SGCZ: variants seen among roughly 807,000 people sequenced by gnomAD.
SGCZ encodes zeta-sarcoglycan.
In SGCZ, 40 loss-of-function variants were observed where a neutral mutation model predicts 41.3. The ratio of observed to expected loss-of-function variants is 0.97; its 90% CI spans 0.75 to 1.26. The LOEUF (loss-of-function observed/expected upper bound fraction) is 1.26. Ranked by LOEUF, SGCZ falls within the 50% of genes most tolerant of loss-of-function variation. The pLI is 0.00. For synonymous variants in SGCZ, 206 were observed against 137.5 expected, an observed-to-expected ratio of 1.50 and a Z score of -3.49; for missense variants, 552 against 369.8, an observed-to-expected ratio of 1.49 and a Z score of -4.04.
intron 4 of SGCZ, among the ~76,000 whole-genome samples, chr8:14,184,646 G>T (rs1489247792): frequency 6.6e-6 from 1 of 152,144 alleles, no homozygotes; most frequent in Non-Finnish European, 1.5e-5. Flanking sequence ...CAAGCTATGG[G>T]TCCTCAAAAG....
chr8:14,473,380 A>AATATT (rs1192766332), intron 2 of SGCZ, among the ~76,000 whole-genome samples: 1 of 152,198 alleles, frequency 6.6e-6, no homozygotes, highest in Non-Finnish European at 1.5e-5. Context: ...TAATTTTGTT[A>AATATT]TCACATTATA....
At chr8:14,555,834 A>T (rs895571958) in intron 1 of SGCZ, among the ~76,000 whole-genome samples, 12 of 152,092 alleles carry the variant, frequency 7.9e-5, no homozygotes, top group African/African-American at 4.8e-5. Flanking sequence ...GTGCAGATTT[A>T]TGTAGACAAT....
chr8:14,269,595 G>C (rs531392914), intron 3 of SGCZ, among the ~76,000 whole-genome samples: 1 of 152,262 alleles, frequency 6.6e-6, no homozygotes, highest in East Asian at 1.9e-4. Flanking sequence ...AGTGATTTAT[G>C]TGACCCAGAT....
chr8:14,441,470 G>C (rs1469188587), intron 2 of SGCZ, among the ~76,000 whole-genome samples: 3 of 152,172 alleles, frequency 2.0e-5, no homozygotes, highest in Non-Finnish European at 4.4e-5. Flanking sequence ...AACTACTCAG[G>C]AGGCTAAGGC....
intron 1 of SGCZ, among the ~76,000 whole-genome samples, chr8:15,012,718 A>T (rs1802884720): frequency 6.9e-6 from 1 of 144,830 alleles, no homozygotes; most frequent in Admixed American, 7.1e-5. Flanking sequence ...AATGTTATAA[A>T]GAGAAATATA....
chr8:14,927,231 C>G (rs1435745819), intron 1 of SGCZ, among the ~76,000 whole-genome samples: 2 of 151,544 alleles, frequency 1.3e-5, no homozygotes, highest in African/African-American at 4.9e-5. Flanking sequence ...GCCTCACCCT[C>G]CGGAGCAGCT....
chr8:14,379,961 G>A (rs146703128), intron 2 of SGCZ, among the ~76,000 whole-genome samples: 12 of 152,062 alleles, frequency 7.9e-5, no homozygotes, highest in Non-Finnish European at 1.0e-4. Context: ...TTGAACTCCC[G>A]ACCTCAGGTG....
chr8:14,624,653 C>T (rs530712942), intron 1 of SGCZ, among the ~76,000 whole-genome samples: 1 of 145,644 alleles, frequency 6.9e-6, no homozygotes, highest in South Asian at 2.2e-4. Context: ...TCACTGAAAC[C>T]TCCGCCTCCC....
intron 5 of SGCZ, among the ~76,000 whole-genome samples, chr8:14,144,327 C>T (rs929286447): frequency 2.6e-5 from 4 of 152,140 alleles, no homozygotes; most frequent in Non-Finnish European, 4.4e-5. Context: ...ATGAGGACTC[C>T]GTTCCAGGCC....
intron 1 of SGCZ, among the ~76,000 whole-genome samples, chr8:15,087,491 T>C (rs1805993136): frequency 6.6e-6 from 1 of 152,106 alleles, no homozygotes; most frequent in African/African-American, 2.4e-5. Context: ...TTTTTGAAAA[T>C]TTTAGCTGCT....
At chr8:14,147,995 T>A (rs73524103) in intron 5 of SGCZ, among the ~76,000 whole-genome samples, 3,250 of 152,216 alleles carry the variant, frequency 0.021, 141 homozygotes, top group African/African-American at 0.074. Flanking sequence ...TGGAAAAATT[T>A]CTTGAAACAA....
chr8:14,306,737 G>A (rs921768043), intron 3 of SGCZ, among the ~76,000 whole-genome samples: 1 of 151,990 alleles, frequency 6.6e-6, no homozygotes, highest in Non-Finnish European at 1.5e-5. Flanking sequence ...CATTATTTGT[G>A]GTCAATTTCT....
chr8:14,175,975 G>A lies in SGCZ; in HGVS notation c.425-11273C>T, dbSNP rs748972339. 2.0e-5 allele frequency among the ~76,000 whole-genome samples: 3 copies of A among 151,988 alleles called. No individual in the cohort carries two copies. In the East Asian group the frequency reaches 5.8e-4, roughly 29 times the overall value. ...TATCTATTAGGTGTTATTCCATAAC[G>A]ACAAAAACTAGAATCACCGTGAATC... On this transcript the variant is annotated intron_variant, in intron 4 of 7. Coordinates refer to ENST00000382080, the MANE Select transcript of SGCZ (RefSeq NM_139167.4).
At chr8:15,022,016 T>G (rs7834376) in intron 1 of SGCZ, among the ~76,000 whole-genome samples, 25,953 of 152,196 alleles carry the variant, frequency 0.17, 2,303 homozygotes, top group African/African-American at 0.21. Flanking sequence ...CCTTTCACAT[T>G]TTGCCCTCTG....
chr8:15,156,527 C>T (rs898151934), intron 1 of SGCZ, among the ~76,000 whole-genome samples: 3 of 152,282 alleles, frequency 2.0e-5, no homozygotes, highest in African/African-American at 7.2e-5. Context: ...TGCTGTTTTT[C>T]ACTAACTTTC....
intron 1 of SGCZ, among the ~76,000 whole-genome samples, chr8:14,655,207 G>C (rs1807527706): frequency 6.6e-6 from 1 of 151,960 alleles, no homozygotes; most frequent in Admixed American, 6.6e-5. Flanking sequence ...TATTCTTACT[G>C]TTTGCCAGTA....
intron 1 of SGCZ, among the ~76,000 whole-genome samples, chr8:14,995,527 G>C (rs1008135261): frequency 6.6e-6 from 1 of 152,142 alleles, no homozygotes; most frequent in East Asian, 1.9e-4. Context: ...TGGTTAGTGA[G>C]ATCAGTTTTG....
chr8:15,127,743 T>C (rs1220938041), intron 1 of SGCZ, among the ~76,000 whole-genome samples: 1 of 152,144 alleles, frequency 6.6e-6, no homozygotes, highest in Non-Finnish European at 1.5e-5. Context: ...TTATACTCCA[T>C]ATGTGGAATA....
intron 4 of SGCZ, among the ~76,000 whole-genome samples, chr8:14,184,698 C>T (rs1054742720): frequency 6.6e-6 from 1 of 152,128 alleles, no homozygotes; most frequent in Non-Finnish European, 1.5e-5. Context: ...GGACTAAAAA[C>T]AGATATTTTC....
Sources: allele counts gnomAD v4.1 joint callset (sites outside exome capture counted in the v4.1 genomes callset), GRCh38; gene constraint gnomAD v4.1.1; transcripts MANE v1.5; gene names NCBI Gene and HGNC (gene_info 2026-07-23, HGNC 2026-07-21).